Variants in PAPPA2 observed in about 807,000 individuals in gnomAD.
The protein encoded by PAPPA2 is pappalysin 2, also known as pappalysin-2.
Under a neutral mutation model 176.4 loss-of-function variants are expected in PAPPA2, and 86 were observed. The ratio of observed to expected loss-of-function variants is 0.49; its 90% CI spans 0.41 to 0.58. The LOEUF (loss-of-function observed/expected upper bound fraction) is 0.58. Ranked by LOEUF, PAPPA2 falls within the 20% of genes least tolerant of loss-of-function variation. The probability of loss-of-function intolerance (pLI) is 0.00; values close to 1 mark genes in which losing one functional copy is unlikely to be tolerated. For synonymous variants in PAPPA2, 809 were observed against 852.2 expected (o/e 0.95, Z 0.88); for missense variants, 2,073 against 2,256.9 (o/e 0.92, Z 1.65).
intron 14 of PAPPA2, among the ~76,000 whole-genome samples, chr1:176,740,806 A>G (rs949475807): frequency 6.6e-6 from 1 of 152,144 alleles, no homozygotes; most frequent in African/African-American, 2.4e-5. Context: ...GGAGCCTCCC[A>G]AACACAATAA....
chr1:176,811,654 C>T (rs530037022), intron 21 of PAPPA2, among the ~76,000 whole-genome samples: 2 of 152,162 alleles, frequency 1.3e-5, no homozygotes, highest in Non-Finnish European at 2.9e-5. Flanking sequence ...TAAGTTGGAA[C>T]TGTCTTCCAG....
chr1:176,473,202 C>T (rs1191892703), intron 1 of PAPPA2, among the ~76,000 whole-genome samples: 1 of 152,154 alleles, frequency 6.6e-6, no homozygotes, highest in Non-Finnish European at 1.5e-5. Context: ...CCTTCTAACC[C>T]CTGTCCTAAC....
intron 2 of PAPPA2, among the ~76,000 whole-genome samples, chr1:176,564,290 G>A (rs1651833191): frequency 6.6e-6 from 1 of 152,176 alleles, no homozygotes; most frequent in Non-Finnish European, 1.5e-5. Flanking sequence ...TGAGCCCAGG[G>A]CAGAAGACAG....
chr1:176,706,421 G>C lies in PAPPA2; in HGVS notation c.3428G>C (p.Cys1143Ser). ...AGCGGAGATGGCTGCTCCAAGGTGT[G>C]TGAGCTGGAGGAAGGTTTCAACTGT... is the stretch of plus-strand genomic sequence containing the variant. ...LVSGDGCSKV[C>S]ELEEGFNCVG... Residue 1143 changes from cysteine (C) to serine (S), a missense_variant, in exon 10 of 23, where the codon TGT (cysteine) becomes TCT (serine). Around this residue, in one of 4 missense-constraint regions of PAPPA2, gnomAD observed 846 missense variants for 857.9 expected, o/e 0.99. Coordinates refer to ENST00000367662, the MANE Select transcript of PAPPA2 (RefSeq NM_020318.3). 1 of 1,613,822 alleles carries C rather than the reference G, an allele frequency of 6.2e-7. No homozygotes were observed. Among genetic ancestry groups the C allele is most frequent in the Non-Finnish European group, 8.5e-7 (1 of 1,179,812 alleles).
chr1:176,473,007 T>A (rs938661944), intron 1 of PAPPA2, among the ~76,000 whole-genome samples: 2 of 152,192 alleles, frequency 1.3e-5, no homozygotes, highest in Non-Finnish European at 2.9e-5. Flanking sequence ...TTTGTTACAA[T>A]TGATGAGCCT....
chr1:176,590,004 A>G (rs775737417), intron 2 of PAPPA2, among the ~76,000 whole-genome samples: 1 of 152,210 alleles, frequency 6.6e-6, no homozygotes, highest in African/African-American at 2.4e-5. Context: ...AGGCTACTCT[A>G]TGACTCCAAT....
intron 18 of PAPPA2, among the ~76,000 whole-genome samples, chr1:176,790,508 A>C (rs892510246): frequency 6.6e-6 from 1 of 152,208 alleles, no homozygotes; most frequent in Non-Finnish European, 1.5e-5. Flanking sequence ...TGAGACAGGA[A>C]GTCAAGCAGA....
At chr1:176,804,371 C>T (rs926284696) in intron 21 of PAPPA2, among the ~76,000 whole-genome samples, 3 of 152,054 alleles carry the variant, frequency 2.0e-5, no homozygotes, top group Non-Finnish European at 2.9e-5. Flanking sequence ...TTAGTTGTCA[C>T]GACTGGGCGA....
At chr1:176,484,135 C>T (rs992044730) in intron 1 of PAPPA2, among the ~76,000 whole-genome samples, 4 of 152,190 alleles carry the variant, frequency 2.6e-5, no homozygotes, top group South Asian at 4.1e-4. Context: ...CCTGCTTTGG[C>T]ACTTTTGTCT....
intron 1 of PAPPA2, among the ~76,000 whole-genome samples, chr1:176,519,430 A>G (rs1649093160): frequency 6.6e-6 from 1 of 152,076 alleles, no homozygotes; most frequent in Non-Finnish European, 1.5e-5. Context: ...AGAGAGCATG[A>G]CCTTTAGACC....
In PAPPA2 at chr1:176,584,058, G is replaced by A. The variant is rs1653142607; in HGVS notation, c.920-10466G>A. Reference sequence around the variant, plus strand: ...CCCTGTCTCGAAAAAATATTGTATTGACACCTGTTTTGTGTCCTAATGTTT... The same window carrying A: ...CCCTGTCTCGAAAAAATATTGTATTAACACCTGTTTTGTGTCCTAATGTTT... On this transcript the variant is annotated intron_variant, in intron 2 of 22. Coordinates refer to ENST00000367662, the MANE Select transcript of PAPPA2 (RefSeq NM_020318.3). Among the ~76,000 whole-genome samples the A allele has an allele frequency of 2.6e-5, 4 of 152,280 alleles. No homozygotes were observed. The South Asian group carries it at 8.3e-4, about 32-fold the overall frequency.
At chr1:176,665,991 G>A (rs1209881546) in intron 3 of PAPPA2, among the ~76,000 whole-genome samples, 1 of 152,128 alleles carries the variant, frequency 6.6e-6, no homozygotes, top group Non-Finnish European at 1.5e-5. Flanking sequence ...TTTATGTTGG[G>A]GAGTTGTTCG....
Position 176,789,931 on chromosome 1 carries a change from G to T in PAPPA2, c.4838G>T (p.Ser1613Ile). ...ATGTATGAATGTACCAATGGCTTCA[G>T]CCTGGACAGCCAGTGTGTGCTCAAC... ...EGMYECTNGF[S>I]LDSQCVLNCN... The change falls in exon 18 of 23, where the codon AGC (serine) becomes ATC (isoleucine). Residue 1613 changes from serine to isoleucine, a missense_variant. Coordinates refer to ENST00000367662, the MANE Select transcript of PAPPA2 (RefSeq NM_020318.3). 6.2e-7 allele frequency: 1 copy of T among 1,614,154 alleles called. No homozygotes were observed. Among genetic ancestry groups the T allele is most frequent in the African/African-American group, 1.3e-5 (1 of 75,040 alleles).
intron 1 of PAPPA2, among the ~76,000 whole-genome samples, chr1:176,515,983 G>T (rs1386374552): frequency 6.6e-6 from 1 of 152,178 alleles, no homozygotes; most frequent in Non-Finnish European, 1.5e-5. Context: ...TTATGGATGA[G>T]ACTAAAAGTG....
At position 176,639,325 on chromosome 1, in the gene PAPPA2, T is replaced by A. The variant is rs578026181; in HGVS notation, c.1992-31645T>A. Among the ~76,000 whole-genome samples the A allele has an allele frequency of 1.4e-4, 21 of 152,190 alleles. No individual in the cohort carries two copies. The East Asian group carries it at 4.1e-3, about 30-fold the overall frequency. Reference sequence around the variant, plus strand: ...ACAGAGAAGCATGGCCCCACCTAGTTGCATTTGAAAGGCCTGTTGCTTTAA... The same window carrying A: ...ACAGAGAAGCATGGCCCCACCTAGTAGCATTTGAAAGGCCTGTTGCTTTAA... On this transcript the variant is annotated intron_variant, in intron 3 of 22. Transcript: ENST00000367662.
chr1:176,649,553 T>G (rs1292549439), intron 3 of PAPPA2, among the ~76,000 whole-genome samples: 1 of 151,426 alleles, frequency 6.6e-6, no homozygotes, highest in East Asian at 1.9e-4. Flanking sequence ...AGGTATTTAT[T>G]GCTATAAACT....
At chr1:176,692,818 TCC>T (rs1660178768) in intron 6 of PAPPA2, among the ~76,000 whole-genome samples, 1 of 152,056 alleles carries the variant, frequency 6.6e-6, no homozygotes. Context: ...CTCCTGTGCC[TCC>T]CCCTCTTAAG....
At chr1:176,664,371 T>C (rs1658512613) in intron 3 of PAPPA2, among the ~76,000 whole-genome samples, 1 of 152,190 alleles carries the variant, frequency 6.6e-6, no homozygotes, top group Non-Finnish European at 1.5e-5. Context: ...TTGGGCCCCT[T>C]CCTCCTTCTT....
At chr1:176,587,369 C>T (rs1328362898) in intron 2 of PAPPA2, among the ~76,000 whole-genome samples, 1 of 152,064 alleles carries the variant, frequency 6.6e-6, no homozygotes, top group East Asian at 1.9e-4. Context: ...TTGCCCATGC[C>T]TATGTTCTGA....
Sources: gnomAD v4.1 joint callset for allele counts (sites outside exome capture counted in the v4.1 genomes callset) on GRCh38, gnomAD v4.1.1 for gene constraint, gnomAD v4.1.1 regional missense constraint, MANE v1.5 for transcripts, NCBI Gene and HGNC (gene_info 2026-07-23, HGNC 2026-07-21) for gene names.